KIF21B: variants seen among roughly 807,000 people sequenced by gnomAD.
The protein encoded by KIF21B is kinesin family member 21B, also known as kinesin-like protein KIF21B.
A neutral mutation model predicts 192.9 loss-of-function variants in KIF21B; 85 were observed. The observed-to-expected ratio is 0.44, with a 90% CI of 0.37 to 0.53. KIF21B has a LOEUF of 0.53. Ranked by LOEUF, KIF21B falls within the 20% of genes least tolerant of loss-of-function variation. KIF21B has a pLI of 0.00. For missense variants in KIF21B, 1,716 were observed against 2,194.8 expected, an observed-to-expected ratio of 0.78 and a Z score of 4.36; for synonymous variants, 832 against 884.6, an observed-to-expected ratio of 0.94 and a Z score of 1.05.
At chr1:200,977,837 C>A (rs1489956682) in intron 30 of KIF21B, among the ~76,000 whole-genome samples, 1 of 150,596 alleles carries the variant, frequency 6.6e-6, no homozygotes, top group Non-Finnish European at 1.5e-5. Context: ...CGGGTTCAAG[C>A]GATTCTCCTG....
Position 200,974,723 on chromosome 1 carries a change from G to A in KIF21B, c.4805C>T (p.Thr1602Ile). The A allele has an allele frequency of 6.2e-7, 1 of 1,614,182 alleles. No individual in the cohort carries two copies. Among genetic ancestry groups the A allele is most frequent in the Non-Finnish European group, 8.5e-7 (1 of 1,180,002 alleles). ...AICTNAKHIF[T>I]ASSDLTVKFW... ...TCTGACCAGCACCCACCTGGAGGCT[G>A]TGAAGATATGCTTGGCATTGGTGCA... Residue 1602 changes from threonine to isoleucine, a missense_variant, in exon 34 of 35, where the codon ACA becomes ATA. By Grantham distance (89) the Thr-to-Ile change is moderately conservative. Coordinates refer to ENST00000461742, the MANE Select transcript of KIF21B (RefSeq NM_001252102.2).
intron 32 of KIF21B, 88 bp downstream of exon 32, chr1:200,976,684 ATAAT>A (rs1655567479): frequency 6.7e-6 from 5 of 746,844 alleles, no homozygotes; most frequent in Non-Finnish European, 1.1e-5. Flanking sequence ...CAGAAGTCTT[ATAAT>A]TTTTCATGGG....
Position 200,998,546 on chromosome 1 carries a change from G to A in KIF21B, c.1915C>T (p.Leu639=). Residue 639 remains leucine (L), a synonymous_variant, in exon 14 of 35, where the codon CTG becomes TTG. Transcript: ENST00000461742. The surrounding 1 kb of genome is among the most constrained non-coding windows in gnomAD (Gnocchi z 4.3). ...EVNFQADLAD[L]TCEIEIKQKL... is the part of the protein sequence containing the mutation. The stretch of plus-strand genomic sequence containing the variant: ...TGCTTGATTTCGATCTCACAAGTCA[G>A]GTCGGCCAGGTCCGCCTGGAAGTTC... 1.9e-6 allele frequency: 3 copies of A among 1,613,778 alleles called. No individual in the cohort carries two copies. Among genetic ancestry groups the A allele is most frequent in the Non-Finnish European group, 2.5e-6 (3 of 1,179,992 alleles).
chr1:200,984,363 C>T (rs796408711), intron 27 of KIF21B, among the ~76,000 whole-genome samples: 25 of 152,332 alleles, frequency 1.6e-4, no homozygotes, highest in African/African-American at 6.0e-4. Flanking sequence ...ACATAAACCA[C>T]ACCATTAGGC....
intron 8 of KIF21B, 103 bp downstream of exon 8, chr1:201,003,483 G>T: frequency 8.8e-7 from 1 of 1,140,918 alleles, no homozygotes. Flanking sequence ...ATAGGGAGGT[G>T]GGAGGGATGC....
At position 200,988,501 on chromosome 1, in the gene KIF21B, A is replaced by G; in HGVS notation, c.3342T>C (p.Ser1114=). 1 of 1,554,424 alleles carries G rather than the reference A, an allele frequency of 6.4e-7. No individual in the cohort carries two copies. The highest frequency in any genetic ancestry group is 8.8e-7 in the Non-Finnish European group (1 of 1,139,734). Residue 1114 remains serine, a synonymous_variant, in exon 23 of 35, where the codon TCT becomes TCC. Coordinates refer to ENST00000461742, the MANE Select transcript of KIF21B (RefSeq NM_001252102.2). ...ASTDEEISEF[S]EGSFSQSFTM... is the part of the protein sequence containing the mutation. Reference sequence around the variant, plus strand: ...CCAGCTTGCAAACTCACCTGCCCTCAGAGAACTCTGAGATCTCCTCATCTG... The same window carrying G: ...CCAGCTTGCAAACTCACCTGCCCTCGGAGAACTCTGAGATCTCCTCATCTG...
At chr1:200,983,602 A>G (rs921583685) in intron 27 of KIF21B, among the ~76,000 whole-genome samples, 5 of 152,200 alleles carry the variant, frequency 3.3e-5, no homozygotes, top group African/African-American at 1.2e-4. Context: ...CCACTGGGAC[A>G]GTGCCTAGAA....
chr1:200,973,407 G>C lies in KIF21B; in HGVS notation c.*114C>G. On this transcript the variant is annotated 3_prime_UTR_variant, in exon 35 of 35. Transcript: ENST00000461742. ...GAGAGGGAGGAGGGCAGGAGAGGGG[G>C]CCACGCCCTCTGTCCCCAGAGCAGC... 1 of 1,292,720 alleles carries C rather than the reference G, an allele frequency of 7.7e-7. No homozygotes were observed. The highest frequency in any genetic ancestry group is 1.9e-5 in the South Asian group (1 of 52,448). 80.1% of individuals were successfully genotyped at this position (1,292,720 alleles called of 1,614,324 possible).
chr1:201,015,288 C>T (rs1658440843), intron 1 of KIF21B, among the ~76,000 whole-genome samples: 1 of 152,208 alleles, frequency 6.6e-6, no homozygotes, highest in African/African-American at 2.4e-5. Context: ...GGATTTTAGG[C>T]TGGCAGACAC....
At chr1:200,984,708 G>C (rs1220381768) in intron 27 of KIF21B, 151 bp downstream of exon 27, 2 of 541,370 alleles carry the variant, frequency 3.7e-6, no homozygotes, top group Non-Finnish European at 6.4e-6. Context: ...GAAATGCCAG[G>C]AGAGGGCATC....
Position 200,979,725 on chromosome 1 carries a change from A to G in KIF21B, c.3980-10T>C, listed in dbSNP as rs747024509. ...ATCTTGCAGCTTCGGTCTGTGAGAG[A>G]TGGGAGGAAGCCACAGGGAGGGGAG... On this transcript the variant is annotated splice_polypyrimidine_tract_variant and intron_variant, in intron 29 of 34. Transcript: ENST00000461742. The G allele has an allele frequency of 3.3e-6, 5 of 1,498,840 alleles. No individual in the cohort carries two copies. The South Asian group carries it at 6.6e-5, about 20-fold the overall frequency. The allele number at this position is 1,498,840 out of a possible 1,614,324, so 92.8% of individuals were successfully genotyped here. A position where few individuals can be genotyped will look rare whatever the true frequency, so the allele number is the denominator to read the frequency against.
At chr1:200,994,881 T>C (rs546252047) in intron 15 of KIF21B, among the ~76,000 whole-genome samples, 9 of 152,170 alleles carry the variant, frequency 5.9e-5, no homozygotes, top group Non-Finnish European at 1.3e-4. Context: ...GCAGGGGCCC[T>C]TGGGTGATCT....
intron 22 of KIF21B, 23 bp from the exon 23 acceptor site, chr1:200,988,567 G>T: frequency 2.8e-6 from 2 of 701,868 alleles, no homozygotes; most frequent in Non-Finnish European, 2.5e-6. Context: ...GGGAGGGAGG[G>T]AAAGGGGTTG....
At chr1:201,020,962 C>G (rs960762681) in intron 1 of KIF21B, among the ~76,000 whole-genome samples, 1 of 152,168 alleles carries the variant, frequency 6.6e-6, no homozygotes, top group Non-Finnish European at 1.5e-5. Flanking sequence ...GAAAGGACTT[C>G]CAGAAAGTCA....
Position 200,976,885 on chromosome 1 carries a change from G to T in KIF21B, c.4334C>A (p.Pro1445His). 1 of 1,606,840 alleles carries T rather than the reference G, an allele frequency of 6.2e-7. No homozygotes were observed. Among genetic ancestry groups the T allele is most frequent in the South Asian group, 1.1e-5 (1 of 90,738 alleles). The change falls in exon 32 of 35, where the codon CCT becomes CAT. Residue 1445 changes from proline to histidine, a missense_variant. Pro to His is a moderately conservative substitution (Grantham distance 77). This residue lies in a region of KIF21B where 580 missense variants were observed against 775.5 expected (regional missense o/e 0.75). Transcript: ENST00000461742. ...GATGTGGCCAGTCAGCTTGCCGACA[G>T]GCTGGAACCTGCAGTGGGAAGAGGC... The part of the protein sequence containing the change: ...VRIWELSRFQ[P>H]VGKLTGHIGP...
In KIF21B at chr1:201,000,900, G is replaced by C; in HGVS notation, c.1403-120C>G. 1.0e-6 allele frequency: 1 copy of C among 956,024 alleles called. No individual in the cohort carries two copies. Among genetic ancestry groups the C allele is most frequent in the East Asian group, 2.5e-5 (1 of 39,872 alleles). 59.2% of individuals were successfully genotyped at this position (956,024 alleles called of 1,614,324 possible). ...AGGCGGGCGGATCACCTGAGGCTGG[G>C]AGTTCGAGACTAGCCTGACCAACAT... On this transcript the variant is annotated intron_variant, in intron 9 of 34. Coordinates refer to ENST00000461742, the MANE Select transcript of KIF21B (RefSeq NM_001252102.2). The surrounding 1 kb of genome is among the most constrained non-coding windows in gnomAD (Gnocchi z 6.0).
intron 16 of KIF21B, 31 bp downstream of exon 16, chr1:200,992,251 G>C (rs1198710237): frequency 1.3e-6 from 2 of 1,598,986 alleles, no homozygotes; most frequent in Non-Finnish European, 8.5e-7. Flanking sequence ...AGGGCCAAAG[G>C]CTCCTGGGAG....
intron 15 of KIF21B, 113 bp from the exon 16 acceptor site, chr1:200,992,502 C>T (rs1051320988): frequency 1.5e-5 from 16 of 1,073,386 alleles, no homozygotes; most frequent in Non-Finnish European, 2.1e-5. Flanking sequence ...GCTAGCCAGG[C>T]AACACTGGCT....
chr1:201,008,159 T>A (rs1470081383), intron 3 of KIF21B, among the ~76,000 whole-genome samples: 1 of 152,130 alleles, frequency 6.6e-6, no homozygotes, highest in Non-Finnish European at 1.5e-5. Flanking sequence ...ATAGGCCCAA[T>A]GGTCAAGAGC....
Sources: allele counts gnomAD v4.1 joint callset (sites outside exome capture counted in the v4.1 genomes callset), GRCh38; gene constraint gnomAD v4.1.1; regional missense constraint gnomAD v4.1.1; non-coding constraint Gnocchi (gnomAD v3.1); transcripts MANE v1.5; gene names NCBI Gene and HGNC (gene_info 2026-07-23, HGNC 2026-07-21).